Variants in PCDH9 observed in about 807,000 individuals in gnomAD.
PCDH9 encodes protocadherin-9.
A neutral mutation model predicts 70.6 loss-of-function variants in PCDH9; 24 were observed. The observed-to-expected ratio is 0.34, with a 90% CI of 0.25 to 0.48. The LOEUF (loss-of-function observed/expected upper bound fraction) is 0.48, where lower values mean the gene tolerates loss of function less well. PCDH9 is among the 20% of genes least tolerant of loss of function. The pLI is 0.99. For missense variants in PCDH9, 1,281 were observed against 1,503.6 expected (o/e 0.85, Z 2.45); for synonymous variants, 562 against 558.5 (o/e 1.01, Z -0.09).
chr13:66,987,003 A>C (rs2083905143), intron 2 of PCDH9, among the ~76,000 whole-genome samples: 1 of 151,970 alleles, frequency 6.6e-6, no homozygotes, highest in African/African-American at 2.4e-5. Flanking sequence ...AAATTGAGGA[A>C]ATAATTCAAA....
At chr13:66,349,302 A>T (rs1956258864) in intron 4 of PCDH9, among the ~76,000 whole-genome samples, 1 of 152,170 alleles carries the variant, frequency 6.6e-6, no homozygotes, top group Non-Finnish European at 1.5e-5. Context: ...GATTTAAAGC[A>T]TACGCCTGTG....
chr13:66,508,363 ACT>A (rs1341978383), intron 4 of PCDH9, among the ~76,000 whole-genome samples: 1 of 152,214 alleles, frequency 6.6e-6, no homozygotes, highest in Admixed American at 6.5e-5. Flanking sequence ...TTGTTAATGT[ACT>A]AAATGCCACT....
At chr13:67,168,710 GGGC>G (rs2088193524) in intron 2 of PCDH9, among the ~76,000 whole-genome samples, 1 of 152,146 alleles carries the variant, frequency 6.6e-6, no homozygotes, top group South Asian at 2.1e-4. Context: ...CAGCCAGCCT[GGGC>G]AACAGAGCAA....
intron 2 of PCDH9, among the ~76,000 whole-genome samples, chr13:67,086,523 G>C (rs147682019): frequency 6.6e-5 from 10 of 152,254 alleles, no homozygotes; most frequent in Non-Finnish European, 4.4e-5. Flanking sequence ...AATTGAAAGA[G>C]GTAAGTGGCC....
At chr13:66,921,371 T>C (rs1293463855) in intron 2 of PCDH9, among the ~76,000 whole-genome samples, 1 of 151,168 alleles carries the variant, frequency 6.6e-6, no homozygotes, top group Admixed American at 6.6e-5. Context: ...AAAAGCAAAG[T>C]TAGATTTAGT....
intron 3 of PCDH9, among the ~76,000 whole-genome samples, chr13:66,856,965 T>C (rs906135723): frequency 2.0e-5 from 3 of 152,136 alleles, no homozygotes; most frequent in Non-Finnish European, 4.4e-5. Flanking sequence ...AAAGTCTTTC[T>C]CTTCAAAAAC....
chr13:66,664,645 GA>G (rs2078067853), intron 3 of PCDH9, among the ~76,000 whole-genome samples: 1 of 152,052 alleles, frequency 6.6e-6, no homozygotes, highest in Admixed American at 6.6e-5. Flanking sequence ...TGGAAAACGT[GA>G]CTTATTTCTC....
At chr13:66,643,990 A>G (rs573481004) in intron 3 of PCDH9, among the ~76,000 whole-genome samples, 3 of 152,158 alleles carry the variant, frequency 2.0e-5, no homozygotes, top group South Asian at 4.1e-4. Flanking sequence ...TTTAAGAACA[A>G]TAAGACAGCC....
chr13:66,561,905 T>G (rs1222696825), intron 4 of PCDH9, among the ~76,000 whole-genome samples: 1 of 152,004 alleles, frequency 6.6e-6, no homozygotes, highest in Non-Finnish European at 1.5e-5. Flanking sequence ...GTTCTTTCGC[T>G]CTTGGCAATA....
At chr13:66,392,261 T>G (rs1439075777) in intron 4 of PCDH9, among the ~76,000 whole-genome samples, 1 of 152,056 alleles carries the variant, frequency 6.6e-6, no homozygotes, top group Admixed American at 6.6e-5. Context: ...AACCATTTGT[T>G]AAGCCAAGTG....
chr13:66,979,409 A>G (rs972039153), intron 2 of PCDH9, among the ~76,000 whole-genome samples: 1 of 152,140 alleles, frequency 6.6e-6, no homozygotes, highest in Admixed American at 6.5e-5. Flanking sequence ...TATTGTTTCT[A>G]TTACCTTATT....
intron 2 of PCDH9, chr13:67,205,482 C>G (rs1348204461): frequency 6.6e-6 from 1 of 152,160 alleles, no homozygotes; most frequent in Non-Finnish European, 1.5e-5. Flanking sequence ...AATAAAAATG[C>G]AAGGTTCAGA....
At chr13:67,075,680 C>A (rs973845115) in intron 2 of PCDH9, among the ~76,000 whole-genome samples, 13 of 152,088 alleles carry the variant, frequency 8.5e-5, no homozygotes, top group African/African-American at 3.1e-4. Context: ...CGAATACATT[C>A]TCCACTTCAG....
intron 3 of PCDH9, among the ~76,000 whole-genome samples, chr13:66,767,386 G>A (rs1163769989): frequency 6.6e-6 from 1 of 152,052 alleles, no homozygotes; most frequent in Non-Finnish European, 1.5e-5. Context: ...ATTCCATGTC[G>A]CATTCAAGAA....
chr13:66,867,912 C>A (rs1028374693), intron 3 of PCDH9, among the ~76,000 whole-genome samples: 1 of 151,664 alleles, frequency 6.6e-6, no homozygotes, highest in Non-Finnish European at 1.5e-5. Flanking sequence ...AGTTGATGGG[C>A]AAATTAATGT....
chr13:67,116,992 A>C (rs2086790361), intron 2 of PCDH9, among the ~76,000 whole-genome samples: 1 of 152,208 alleles, frequency 6.6e-6, no homozygotes, highest in Non-Finnish European at 1.5e-5. Context: ...ATTATCCATT[A>C]ATAAAAAGAA....
rs1463636432 is a variant in PCDH9 at position 67,198,018 on chromosome 13, T to C, written c.3036+27387A>G. 2.0e-5 allele frequency among the ~76,000 whole-genome samples: 3 copies of C among 151,660 alleles called. No individual in the cohort carries two copies. In the East Asian group the frequency reaches 5.8e-4, roughly 29 times the overall value. ...TTTTTGATATTTTAAAAATAAAACA[T>C]AATTTTATTAAATATATATTTACAC... On this transcript the variant is annotated intron_variant, in intron 2 of 4. Coordinates refer to ENST00000377865, the MANE Select transcript of PCDH9 (RefSeq NM_203487.3).
intron 2 of PCDH9, among the ~76,000 whole-genome samples, chr13:67,041,753 C>G (rs994217968): frequency 1.3e-5 from 2 of 150,428 alleles, no homozygotes; most frequent in Non-Finnish European, 2.9e-5. Context: ...ATGGTGTGAA[C>G]CCAGGAGTCA....
rs114160596 is a variant in PCDH9, at chr13:66,390,210, C to T, written c.3341-85182G>A. On this transcript the variant is annotated intron_variant, in intron 4 of 4. Coordinates refer to ENST00000377865, the MANE Select transcript of PCDH9 (RefSeq NM_203487.3). ...TGATTTACTTGCCTCTCAAACTCTG[C>T]GGATGAATGGCAAGCATGATAGACT... 1.6e-3 allele frequency among the ~76,000 whole-genome samples: 238 copies of T among 152,252 alleles called. 1 individual carries two copies. Among genetic ancestry groups the T allele is most frequent in the African/African-American group, 5.4e-3 (223 of 41,556 alleles).
Sources: gnomAD v4.1 joint callset for allele counts (sites outside exome capture counted in the v4.1 genomes callset) on GRCh38, gnomAD v4.1.1 for gene constraint, MANE v1.5 for transcripts, NCBI Gene and HGNC (gene_info 2026-07-23, HGNC 2026-07-21) for gene names.